INPP4A: variants seen among roughly 807,000 people sequenced by gnomAD.
INPP4A encodes the protein inositol polyphosphate-4-phosphatase type I A, also known as inositol polyphosphate-4-phosphatase, type I, 107kD.
In INPP4A, 33 loss-of-function variants were observed where a neutral mutation model predicts 119.8. The observed-to-expected ratio is 0.28, with a 90% CI of 0.21 to 0.37. INPP4A has a LOEUF of 0.37. Ranked by LOEUF, INPP4A falls within the 10% of genes least tolerant of loss-of-function variation. The pLI is 1.00. For synonymous variants in INPP4A, 496 were observed against 500.7 expected, an observed-to-expected ratio of 0.99 and a Z score of 0.12; for missense variants, 956 against 1,289.9, an observed-to-expected ratio of 0.74 and a Z score of 3.97.
In INPP4A at chr2:98,519,975, C is replaced by T. The variant is rs919768542; in HGVS notation, c.-74C>T. ...ACTGCCACTTTAGTGGACTAGGGCT[C>T]GGTGCCAGCACTTCCCGGGTAATCA... On this transcript the variant is annotated 5_prime_UTR_variant, in exon 3 of 25. Transcript: ENST00000409851. 27 of 1,232,164 alleles carry T rather than the reference C, an allele frequency of 2.2e-5. No homozygotes were observed. Among genetic ancestry groups the T allele is most frequent in the Admixed American group, 1.8e-4 (9 of 50,466 alleles). 76.3% of individuals were successfully genotyped at this position (1,232,164 alleles called of 1,614,324 possible).
chr2:98,546,654 C>A lies in INPP4A; in HGVS notation c.1123C>A (p.Leu375Ile). ...AHCQGFKSGGLRKKLHKFEET... is the reference protein window; with the variant it reads ...AHCQGFKSGGIRKKLHKFEET... Reference sequence around the variant, plus strand: ...CTGCCAAGGTTTTAAGTCAGGAGGTCTCCGCAAAAAGCTGCACAAATTTGA... The same window carrying A: ...CTGCCAAGGTTTTAAGTCAGGAGGTATCCGCAAAAAGCTGCACAAATTTGA... Residue 375 changes from leucine to isoleucine, a missense_variant, in exon 13 of 25, where the codon CTC (leucine) becomes ATC (isoleucine). Leu to Ile is a conservative substitution (Grantham distance 5, BLOSUM62 2). This residue lies in a region of INPP4A where 652 missense variants were observed against 797.9 expected (regional missense o/e 0.82). Coordinates refer to ENST00000409851, the MANE Select transcript of INPP4A (RefSeq NM_001134225.2). The surrounding 1 kb of genome is among the most constrained non-coding windows in gnomAD (Gnocchi z 4.2). The A allele has an allele frequency of 6.2e-7, 1 of 1,613,758 alleles. No homozygotes were observed. The highest frequency in any genetic ancestry group is 8.5e-7 in the Non-Finnish European group (1 of 1,179,648).
intron 1 of INPP4A, among the ~76,000 whole-genome samples, chr2:98,518,405 C>T (rs1686552641): frequency 6.6e-6 from 1 of 152,238 alleles, no homozygotes; most frequent in East Asian, 1.9e-4. Flanking sequence ...GACCCTGGTG[C>T]TTTGAGAGGG....
intron 1 of INPP4A, among the ~76,000 whole-genome samples, chr2:98,458,439 A>T (rs1290369585): frequency 6.6e-6 from 1 of 152,146 alleles, no homozygotes; most frequent in African/African-American, 2.4e-5. Context: ...GTTTCCTGGT[A>T]CCCAAGATGA....
chr2:98,451,186 C>T (rs1695161136), intron 1 of INPP4A, among the ~76,000 whole-genome samples: 1 of 152,202 alleles, frequency 6.6e-6, no homozygotes, highest in Non-Finnish European at 1.5e-5. Context: ...ATCAGGCTGT[C>T]AGGCCCAGGC....
chr2:98,555,936 G>T (rs559703057), intron 16 of INPP4A, 128 bp downstream of exon 16: 52 of 1,178,738 alleles, frequency 4.4e-5, no homozygotes, highest in Non-Finnish European at 5.8e-5. Flanking sequence ...CAGGTGGAGC[G>T]GGGGCGTCCC....
intron 4 of INPP4A, among the ~76,000 whole-genome samples, chr2:98,528,276 G>T (rs1026581294): frequency 6.6e-6 from 1 of 152,124 alleles, no homozygotes; most frequent in Non-Finnish European, 1.5e-5. Context: ...ATTAAGAGAG[G>T]CTCAACTGTA....
intron 1 of INPP4A, among the ~76,000 whole-genome samples, chr2:98,497,991 G>C (rs1682374730): frequency 6.6e-6 from 1 of 152,170 alleles, no homozygotes; most frequent in Non-Finnish European, 1.5e-5. Context: ...CAGGCTCATA[G>C]GCAGAAGGGA....
intron 1 of INPP4A, among the ~76,000 whole-genome samples, chr2:98,457,327 G>A (rs1419746838): frequency 6.6e-6 from 1 of 152,206 alleles, no homozygotes; most frequent in South Asian, 2.1e-4. Flanking sequence ...GGAGACCGAG[G>A]CAGGAGGATT....
chr2:98,457,253 A>G (rs1696283257), intron 1 of INPP4A, among the ~76,000 whole-genome samples: 1 of 152,154 alleles, frequency 6.6e-6, no homozygotes, highest in South Asian at 2.1e-4. Context: ...TTAAAATAGG[A>G]TTAGATCTAG....
intron 24 of INPP4A, among the ~76,000 whole-genome samples, chr2:98,581,417 A>G (rs1462549844): frequency 1.4e-5 from 2 of 147,832 alleles, no homozygotes; most frequent in African/African-American, 2.5e-5. Context: ...TTTTCTTTCT[A>G]TTGTGACTTC....
At chr2:98,460,858 C>G (rs1238909641) in intron 1 of INPP4A, among the ~76,000 whole-genome samples, 1 of 152,196 alleles carries the variant, frequency 6.6e-6, no homozygotes, top group African/African-American at 2.4e-5. Flanking sequence ...GGAGAAGAAT[C>G]GTCTGCGCCC....
intron 13 of INPP4A, among the ~76,000 whole-genome samples, chr2:98,548,680 T>C (rs545219914): frequency 6.6e-5 from 10 of 152,336 alleles, no homozygotes; most frequent in South Asian, 6.2e-4. Flanking sequence ...AAGCCACTTA[T>C]AGATATGGTA....
At position 98,444,908 on chromosome 2, in the gene INPP4A, C is replaced by G. The variant is rs919165590; in HGVS notation, c.-343C>G. 4 of 151,486 alleles carry G rather than the reference C, an allele frequency of 2.6e-5. No individual in the cohort carries two copies. Among genetic ancestry groups the G allele is most frequent in the African/African-American group, 9.7e-5 (4 of 41,306 alleles). The allele number at this position is 151,486 out of a possible 1,614,324, so 9.4% of individuals were successfully genotyped here. On this transcript the variant is annotated 5_prime_UTR_variant, in exon 1 of 25. Coordinates refer to ENST00000409851, the MANE Select transcript of INPP4A (RefSeq NM_001134225.2). ...GGCTGCGGCGCGCGTGGAGGGTTCG[C>G]TGCTGGTTTGCCGCCGGGTCGGGCT...
chr2:98,453,234 G>T (rs868055209), intron 1 of INPP4A, among the ~76,000 whole-genome samples: 5 of 152,178 alleles, frequency 3.3e-5, no homozygotes, highest in African/African-American at 1.2e-4. Flanking sequence ...GAGTAGTCTT[G>T]CACTGAGCTC....
rs1463929133 is a variant in INPP4A at position 98,479,573 on chromosome 2, C to T, written c.-166+34488C>T. Among the ~76,000 whole-genome samples the T allele has an allele frequency of 5.3e-5, 8 of 152,282 alleles. No homozygotes were observed. In the East Asian group the frequency reaches 1.5e-3, roughly 29 times the overall value. On this transcript the variant is annotated intron_variant, in intron 1 of 24. Coordinates refer to ENST00000409851, the MANE Select transcript of INPP4A (RefSeq NM_001134225.2). ...ATCTTTCCAGGTATGCCAGGAGGCACAGAACCCACGTATAACCTGCAGCCC... is the reference window on the plus strand; with the variant it reads ...ATCTTTCCAGGTATGCCAGGAGGCATAGAACCCACGTATAACCTGCAGCCC...
At chr2:98,463,832 T>C (rs933294239) in intron 1 of INPP4A, among the ~76,000 whole-genome samples, 1 of 152,114 alleles carries the variant, frequency 6.6e-6, no homozygotes, top group Non-Finnish European at 1.5e-5. Flanking sequence ...TAGGGTCTGC[T>C]GCATGCGGTG....
intron 17 of INPP4A, among the ~76,000 whole-genome samples, chr2:98,562,984 G>T (rs1190372346): frequency 2.0e-5 from 3 of 152,144 alleles, no homozygotes; most frequent in African/African-American, 7.2e-5. Flanking sequence ...ACAAGGCTTG[G>T]CAAGGGCAGA....
intron 7 of INPP4A, among the ~76,000 whole-genome samples, chr2:98,537,362 A>G (rs1281659808): frequency 1.3e-5 from 2 of 151,994 alleles, no homozygotes; most frequent in African/African-American, 4.8e-5. Flanking sequence ...GCTGTGTCAT[A>G]TCAGGATTCA....
chr2:98,578,128 C>T (rs925158345), intron 24 of INPP4A, among the ~76,000 whole-genome samples: 1 of 152,182 alleles, frequency 6.6e-6, no homozygotes, highest in East Asian at 1.9e-4. Flanking sequence ...TCTGTTAAAG[C>T]TCGCCATCCC....
Sources: gnomAD v4.1 joint callset for allele counts (sites outside exome capture counted in the v4.1 genomes callset) on GRCh38, gnomAD v4.1.1 for gene constraint, gnomAD v4.1.1 regional missense constraint, Gnocchi (gnomAD v3.1) non-coding constraint, MANE v1.5 for transcripts, NCBI Gene and HGNC (gene_info 2026-07-23, HGNC 2026-07-21) for gene names.